Variants in PHF3 observed in about 807,000 individuals in gnomAD.
PHF3 encodes PHD finger protein 3.
In PHF3, 41 loss-of-function variants were observed where a neutral mutation model predicts 178.4. That is an observed-to-expected ratio of 0.23 (90% CI 0.18 to 0.30). The LOEUF (loss-of-function observed/expected upper bound fraction) is 0.30. PHF3 is among the 10% of genes least tolerant of loss of function. The probability of loss-of-function intolerance (pLI) is 1.00; values close to 1 mark genes in which losing one functional copy is unlikely to be tolerated. For synonymous variants in PHF3, 842 were observed against 800.5 expected (o/e 1.05, Z -0.88); for missense variants, 2,346 against 2,398.1 (o/e 0.98, Z 0.45).
At chr6:63,643,318 C>A (rs946199430) in intron 1 of PHF3, among the ~76,000 whole-genome samples, 1 of 152,070 alleles carries the variant, frequency 6.6e-6, no homozygotes, top group East Asian at 1.9e-4. Context: ...TGAATTATAC[C>A]TCCAGTAAAT....
intron 11 of PHF3, among the ~76,000 whole-genome samples, chr6:63,704,146 C>T (rs75929765): frequency 0.011 from 1,684 of 152,282 alleles, 35 homozygotes; most frequent in African/African-American, 0.038. Context: ...AGATTTCTCA[C>T]ATACCTGCTG....
At position 63,720,632 on chromosome 6, in the gene PHF3, A is replaced by G. The variant is rs2149623409; in HGVS notation, c.*6924A>G. The G allele has an allele frequency of 6.6e-7, 1 of 1,520,062 alleles. No individual in the cohort carries two copies. Among genetic ancestry groups the G allele is most frequent in the Non-Finnish European group, 8.8e-7 (1 of 1,132,388 alleles). The allele number at this position is 1,520,062 out of a possible 1,614,324, so 94.2% of individuals were successfully genotyped here. A position where few individuals can be genotyped will look rare whatever the true frequency, so the allele number is the denominator to read the frequency against. ...CATTTTGTTCATCTCCATCATAAAC[A>G]TTGTATCCTTCTAATTTAATTAGTT... On this transcript the variant is annotated 3_prime_UTR_variant, in exon 16 of 16. Coordinates refer to ENST00000262043, the MANE Select transcript of PHF3 (RefSeq NM_001370348.2).
At chr6:63,683,745 A>T (rs2149581959) in intron 3 of PHF3, among the ~76,000 whole-genome samples, 1 of 152,222 alleles carries the variant, frequency 6.6e-6, no homozygotes, top group East Asian at 1.9e-4. Flanking sequence ...TTTAATGTTT[A>T]AAAATCCATG....
intron 2 of PHF3, among the ~76,000 whole-genome samples, chr6:63,648,694 A>T (rs1262072412): frequency 1.3e-5 from 2 of 152,142 alleles, no homozygotes. Context: ...TTCGTTTGTG[A>T]TTCTGTTATC....
At chr6:63,701,176 C>T (rs891702474) in intron 9 of PHF3, among the ~76,000 whole-genome samples, 1 of 152,054 alleles carries the variant, frequency 6.6e-6, no homozygotes, top group African/African-American at 2.4e-5. Flanking sequence ...TTTCAAATGC[C>T]AAAAGCCCTG....
rs1176072003 is a variant in PHF3, at chr6:63,715,485, C to T, written c.*1777C>T. Reference sequence around the variant, plus strand: ...AATAAATCTACCTTTACTGATATATCTGGTTGAGGGAATATCAGACTCCAG... The same window carrying T: ...AATAAATCTACCTTTACTGATATATTTGGTTGAGGGAATATCAGACTCCAG... On this transcript the variant is annotated 3_prime_UTR_variant, in exon 16 of 16. Transcript: ENST00000262043. 1 of 152,078 alleles carries T rather than the reference C, an allele frequency of 6.6e-6. No individual in the cohort carries two copies. The highest frequency in any genetic ancestry group is 1.5e-5 in the Non-Finnish European group (1 of 68,002). 9.4% of individuals were successfully genotyped at this position (152,078 alleles called of 1,614,324 possible). A position where few individuals can be genotyped will look rare whatever the true frequency, so the allele number is the denominator to read the frequency against.
Position 63,703,573 on chromosome 6 carries a change from G to T in PHF3, c.3269G>T (p.Gly1090Val). The change falls in exon 11 of 16, where the codon GGA (glycine) becomes GTA (valine). Residue 1090 changes from glycine (G) to valine (V), a missense_variant. By Grantham distance (109) the Gly-to-Val change is moderately radical (BLOSUM62 -3). Around this residue, in one of 8 missense-constraint regions of PHF3, gnomAD observed 205 missense variants for 212.4 expected, o/e 0.97. Transcript: ENST00000262043. ...AATAAGTCATTGGAGAAGCCAGAAG[G>T]ATCTGAAAAACAAAAAGAGGAGGTT... is the stretch of plus-strand genomic sequence containing the variant. The part of the protein sequence containing the change: ...AANKSLEKPE[G>V]SEKQKEEVDS... 1 of 1,612,854 alleles carries T rather than the reference G, an allele frequency of 6.2e-7. No homozygotes were observed. Among genetic ancestry groups the T allele is most frequent in the Non-Finnish European group, 8.5e-7 (1 of 1,179,616 alleles).
chr6:63,653,875 G>A (rs372939943), intron 2 of PHF3, among the ~76,000 whole-genome samples: 8 of 152,090 alleles, frequency 5.3e-5, no homozygotes, highest in East Asian at 1.9e-4. Context: ...CTTTTCCTGT[G>A]TCTATTGAGA....
intron 13 of PHF3, among the ~76,000 whole-genome samples, 167 bp downstream of exon 13, chr6:63,707,043 G>C (rs1463325613): frequency 2.0e-5 from 3 of 152,166 alleles, no homozygotes; most frequent in Non-Finnish European, 4.4e-5. Context: ...CTTTAGAATT[G>C]TAAAATAAAC....
chr6:63,700,820 G>A (rs1339821184), intron 9 of PHF3, among the ~76,000 whole-genome samples: 1 of 152,122 alleles, frequency 6.6e-6, no homozygotes, highest in Non-Finnish European at 1.5e-5. Flanking sequence ...CTGACCTCAT[G>A]ATCCGCCCAC....
intron 2 of PHF3, among the ~76,000 whole-genome samples, chr6:63,669,828 ATTTTACTGCTG>A (rs1765833312): frequency 6.6e-6 from 1 of 152,158 alleles, no homozygotes; most frequent in African/African-American, 2.4e-5. Flanking sequence ...AGCAAGATAC[ATTTTACTGCTG>A]TTTCAAGGCT....
At chr6:63,642,105 C>A (rs76985427) in intron 1 of PHF3, among the ~76,000 whole-genome samples, 7,584 of 152,218 alleles carry the variant, frequency 0.05, 322 homozygotes, top group African/African-American at 0.12. Context: ...GAAATATCTT[C>A]GGACTCAGAT....
In PHF3 at chr6:63,712,280, A is replaced by G. The variant is rs201512801; in HGVS notation, c.4692A>G (p.Pro1564=). 2.5e-4 allele frequency: 402 copies of G among 1,613,732 alleles called. 1 individual carries two copies. The highest frequency in any genetic ancestry group is 3.2e-4 in the Non-Finnish European group (383 of 1,179,858). The change falls in exon 16 of 16, where the codon CCA becomes CCG. Residue 1564 remains proline, a synonymous_variant. Coordinates refer to ENST00000262043, the MANE Select transcript of PHF3 (RefSeq NM_001370348.2). ...SLTSLSLRGK[P]PDVSTEAFLT... is the part of the protein sequence containing the mutation. ...CGAGTCTTAGTCTCAGAGGTAAGCC[A>G]CCAGATGTTTCTACAGAAGCATTTT...
Position 63,725,780 on chromosome 6 carries a change from A to G in PHF3, c.*12072A>G, listed in dbSNP as rs1768590780. ...CTTAGATTATGATCATTAGAGCACC[A>G]TTTTTGCTAATGATGTGAAATTTAG... On this transcript the variant is annotated 3_prime_UTR_variant, in exon 16 of 16. Coordinates refer to ENST00000262043, the MANE Select transcript of PHF3 (RefSeq NM_001370348.2). 6.6e-6 allele frequency among the ~76,000 whole-genome samples: 1 copy of G among 152,134 alleles called. No individual in the cohort carries two copies. The highest frequency in any genetic ancestry group is 1.5e-5 in the Non-Finnish European group (1 of 67,978).
chr6:63,694,980 C>A (rs913020789), intron 6 of PHF3, among the ~76,000 whole-genome samples: 1 of 152,100 alleles, frequency 6.6e-6, no homozygotes, highest in South Asian at 2.1e-4. Context: ...AGATAAGACC[C>A]CTCTTCTCAT....
At position 63,684,114 on chromosome 6, in the gene PHF3, T is replaced by C. The variant is rs772078368; in HGVS notation, c.407-15T>C. Reference sequence around the variant, plus strand: ...ATAGCTAAGTATTTTTATTTATTTTTTCCCCCTGTGATAGAACAAGTAAGA... The same window carrying C: ...ATAGCTAAGTATTTTTATTTATTTTCTCCCCCTGTGATAGAACAAGTAAGA... On this transcript the variant is annotated splice_polypyrimidine_tract_variant and intron_variant, in intron 3 of 15. Transcript: ENST00000262043. 6 of 1,545,030 alleles carry C rather than the reference T, an allele frequency of 3.9e-6. No homozygotes were observed. The highest frequency in any genetic ancestry group is 5.2e-6 in the Non-Finnish European group (6 of 1,145,130).
chr6:63,686,814 C>A (rs1582079018), intron 4 of PHF3, among the ~76,000 whole-genome samples: 1 of 152,012 alleles, frequency 6.6e-6, no homozygotes, highest in South Asian at 2.1e-4. Context: ...GTGATTTTTC[C>A]CAGCACTATC....
intron 4 of PHF3, among the ~76,000 whole-genome samples, chr6:63,689,126 T>C (rs931738641): frequency 6.6e-6 from 1 of 152,306 alleles, no homozygotes; most frequent in Non-Finnish European, 1.5e-5. Flanking sequence ...ATTTTCCTGA[T>C]TCAAACTTAC....
At chr6:63,678,033 G>A (rs1219220547) in intron 2 of PHF3, among the ~76,000 whole-genome samples, 2 of 151,996 alleles carry the variant, frequency 1.3e-5, no homozygotes, top group East Asian at 1.9e-4. Flanking sequence ...GACCAGCCTG[G>A]CCAACATGGC....
Sources: gnomAD v4.1 joint callset for allele counts (sites outside exome capture counted in the v4.1 genomes callset) on GRCh38, gnomAD v4.1.1 for gene constraint, gnomAD v4.1.1 regional missense constraint, MANE v1.5 for transcripts, NCBI Gene and HGNC (gene_info 2026-07-23, HGNC 2026-07-21) for gene names.